Variants in FHOD3 observed in about 807,000 individuals in gnomAD.
FHOD3 encodes FH1/FH2 domain-containing protein 3.
Under a neutral mutation model 173.0 loss-of-function variants are expected in FHOD3, and 90 were observed. That is an observed-to-expected ratio of 0.52 (90% CI 0.44 to 0.62). FHOD3 has a LOEUF of 0.62. FHOD3 is among the 20% of genes least tolerant of loss of function. FHOD3 has a pLI of 0.00. For synonymous variants in FHOD3, 828 were observed against 823.0 expected (o/e 1.01, Z -0.10); for missense variants, 1,945 against 2,034.7 (o/e 0.96, Z 0.85).
At chr18:36,637,132 G>A (rs1429435399) in intron 10 of FHOD3, among the ~76,000 whole-genome samples, 4 of 152,168 alleles carry the variant, frequency 2.6e-5, no homozygotes, top group Non-Finnish European at 5.9e-5. Flanking sequence ...TACTAGGTGT[G>A]TTATTTCAGA....
At chr18:36,370,954 A>C (rs1189394848) in intron 2 of FHOD3, among the ~76,000 whole-genome samples, 1 of 152,188 alleles carries the variant, frequency 6.6e-6, no homozygotes, top group African/African-American at 2.4e-5. Context: ...TGGTCAGAAG[A>C]GTTGAAGGAG....
intron 5 of FHOD3, among the ~76,000 whole-genome samples, chr18:36,541,242 T>A (rs1331575957): frequency 1.7e-5 from 2 of 117,558 alleles, no homozygotes; most frequent in Non-Finnish European, 3.3e-5. Flanking sequence ...AGAGCGAGAC[T>A]CTGTCTCAAA....
At chr18:36,477,486 C>T (rs868858310) in intron 3 of FHOD3, among the ~76,000 whole-genome samples, 37 of 125,632 alleles carry the variant, frequency 2.9e-4, no homozygotes, top group African/African-American at 7.9e-4. Context: ...CACTCACCCA[C>T]CCATCCATCC....
chr18:36,747,856 CT>C (rs1226741344), intron 24 of FHOD3, among the ~76,000 whole-genome samples: 1 of 152,246 alleles, frequency 6.6e-6, no homozygotes, highest in East Asian at 1.9e-4. Context: ...TTCTCCTTTG[CT>C]TTGTCACAGA....
intron 28 of FHOD3, chr18:36,778,637 G>T (rs1270051111): frequency 2.6e-5 from 4 of 152,168 alleles, no homozygotes; most frequent in Non-Finnish European, 5.9e-5. Flanking sequence ...AGTTAAATAT[G>T]AGCATCCCTC....
intron 6 of FHOD3, among the ~76,000 whole-genome samples, chr18:36,578,529 C>G (rs2058738330): frequency 6.6e-6 from 1 of 152,176 alleles, no homozygotes; most frequent in Non-Finnish European, 1.5e-5. Flanking sequence ...TCCCCCATCC[C>G]TGTGTTCACT....
chr18:36,687,247 GAGAGA>G lies in FHOD3; in HGVS notation c.2021+70_2021+74del, dbSNP rs1315531606. ...CTTTGCACTGTTAACCTAGCATGCA[GAGAGA>G]CTGTCGATTAAAATATAACTGCTTC... On this transcript the variant is annotated intron_variant, in intron 16 of 28. Coordinates refer to ENST00000590592, the MANE Select transcript of FHOD3 (RefSeq NM_001281740.3). 2.2e-3 allele frequency: 2,555 copies of G among 1,158,088 alleles called. 46 individuals are homozygous for G. The African/African-American group carries it at 0.033, about 15-fold the overall frequency. 71.7% of individuals were successfully genotyped at this position (1,158,088 alleles called of 1,614,324 possible).
intron 8 of FHOD3, among the ~76,000 whole-genome samples, chr18:36,604,204 T>C (rs921184147): frequency 6.7e-6 from 1 of 148,340 alleles, no homozygotes; most frequent in African/African-American, 2.6e-5. Context: ...TGGGCCTTCC[T>C]TGTACTCTCC....
At chr18:36,575,315 T>C (rs926814269) in intron 5 of FHOD3, among the ~76,000 whole-genome samples, 2 of 152,222 alleles carry the variant, frequency 1.3e-5, no homozygotes, top group Admixed American at 1.3e-4. Context: ...ATAGGATGCA[T>C]TTTCTAATAT....
At chr18:36,372,007 G>T (rs958185708) in intron 2 of FHOD3, among the ~76,000 whole-genome samples, 1 of 152,100 alleles carries the variant, frequency 6.6e-6, no homozygotes, top group African/African-American at 2.4e-5. Context: ...CCGTGCTTTG[G>T]TTCCTCTCTG....
chr18:36,415,381 A>G (rs973585652), intron 3 of FHOD3, among the ~76,000 whole-genome samples: 8 of 152,194 alleles, frequency 5.3e-5, no homozygotes, highest in African/African-American at 1.9e-4. Context: ...TGAGGCTGAG[A>G]TAGGGTGTAG....
At chr18:36,425,334 A>G (rs1483379865) in intron 3 of FHOD3, among the ~76,000 whole-genome samples, 1 of 152,200 alleles carries the variant, frequency 6.6e-6, no homozygotes, top group African/African-American at 2.4e-5. Flanking sequence ...ATACATTCCC[A>G]TGGATAAAGA....
At chr18:36,410,135 A>G (rs2049280837) in intron 3 of FHOD3, among the ~76,000 whole-genome samples, 1 of 152,150 alleles carries the variant, frequency 6.6e-6, no homozygotes, top group Non-Finnish European at 1.5e-5. Context: ...CTCAAAAAAA[A>G]CACCACACCT....
intron 3 of FHOD3, among the ~76,000 whole-genome samples, chr18:36,496,711 T>C (rs1173322099): frequency 2.0e-5 from 3 of 152,248 alleles, no homozygotes; most frequent in Admixed American, 6.5e-5. Flanking sequence ...GACGCTAGTA[T>C]TGCTCTCGTG....
At chr18:36,599,970 G>T (rs994269883) in intron 7 of FHOD3, among the ~76,000 whole-genome samples, 1 of 151,226 alleles carries the variant, frequency 6.6e-6, no homozygotes, top group East Asian at 1.9e-4. Flanking sequence ...TGGGGTGGGG[G>T]TGGGGGGCAG....
At chr18:36,735,501 T>C (rs972004482) in intron 20 of FHOD3, among the ~76,000 whole-genome samples, 1 of 152,226 alleles carries the variant, frequency 6.6e-6, no homozygotes, top group Non-Finnish European at 1.5e-5. Context: ...CCCTGGGTTC[T>C]TCTCTAGCTC....
intron 2 of FHOD3, among the ~76,000 whole-genome samples, chr18:36,365,611 ACT>A (rs1211782255): frequency 3.3e-5 from 5 of 152,062 alleles, no homozygotes; most frequent in African/African-American, 1.2e-4. Flanking sequence ...TGACTGTATA[ACT>A]CTATGAAGAT....
At chr18:36,690,623 C>T (rs564063776) in intron 16 of FHOD3, among the ~76,000 whole-genome samples, 29 of 152,168 alleles carry the variant, frequency 1.9e-4, no homozygotes, top group Middle Eastern at 3.4e-3. Flanking sequence ...GCCGTCTCCG[C>T]GTACCAGCCC....
At chr18:36,644,280 C>A (rs916692664) in intron 10 of FHOD3, among the ~76,000 whole-genome samples, 5 of 152,148 alleles carry the variant, frequency 3.3e-5, no homozygotes, top group Non-Finnish European at 5.9e-5. Context: ...AATTAAGTTA[C>A]GCTTTATAAG....
Sources: gnomAD v4.1 joint callset for allele counts (sites outside exome capture counted in the v4.1 genomes callset) on GRCh38, gnomAD v4.1.1 for gene constraint, MANE v1.5 for transcripts, NCBI Gene and HGNC (gene_info 2026-07-23, HGNC 2026-07-21) for gene names.